The following IL17B variants were observed in gnomAD, a reference collection of about 807,000 sequenced individuals.
The protein encoded by IL17B is interleukin-17B.
IL17B carries 14 observed loss-of-function variants against 14.7 expected under a neutral mutation model. That is an observed-to-expected ratio of 0.95 (90% CI 0.63 to 1.49). IL17B has a LOEUF of 1.49. Among genes scored for constraint, IL17B ranks in the 40% most tolerant of loss-of-function variants. IL17B has a pLI of 0.00. For synonymous variants in IL17B, 105 were observed against 94.8 expected, an observed-to-expected ratio of 1.11 and a Z score of -0.62; for missense variants, 233 against 252.8, an observed-to-expected ratio of 0.92 and a Z score of 0.53.
chr5:149,381,298 C>A (rs1758689862), upstream of IL17B, among the ~76,000 whole-genome samples: 1 of 152,248 alleles, frequency 6.6e-6, no homozygotes, highest in Non-Finnish European at 1.5e-5. Flanking sequence ...AGGGTCCCAG[C>A]CCCAGAGATG....
At chr5:149,392,579 G>A (rs1758992328) in intron 1 of IL17B, among the ~76,000 whole-genome samples, 1 of 152,186 alleles carries the variant, frequency 6.6e-6, no homozygotes, top group Admixed American at 6.5e-5. Context: ...CTCTCTGGAA[G>A]TCTATATAAA....
intron 1 of IL17B, among the ~76,000 whole-genome samples, chr5:149,403,534 A>G (rs2127624077): frequency 6.6e-6 from 1 of 152,338 alleles, no homozygotes; most frequent in South Asian, 2.1e-4. Flanking sequence ...TGTTCATTGA[A>G]GAGAACATAT....
rs377283944 is a variant in IL17B, at chr5:149,401,438, C to T, written n.95+2670G>A. On this transcript the variant is annotated intron_variant and non_coding_transcript_variant, in intron 1 of 2. Transcript: ENST00000505432. ...GTGATAATTGGACTGGGCATGGTGG[C>T]TTATGCCTGTAATCCCAGCACTTTG... Among the ~76,000 whole-genome samples, 262 of 152,324 alleles carry T rather than the reference C, an allele frequency of 1.7e-3. 1 individual carries two copies. Among genetic ancestry groups the T allele is most frequent in the African/African-American group, 6.2e-3 (257 of 41,568 alleles).
Position 149,374,337 on chromosome 5 carries a change from G to A in IL17B, c.*32C>T, listed in dbSNP as rs781128792. On this transcript the variant is annotated 3_prime_UTR_variant, in exon 3 of 3. Transcript: ENST00000261796. This position sits in a 1 kb window ranked among gnomAD's most constrained non-coding sequence, Gnocchi z 5.0. ...ACAAAGGTGCAAGGAGGATGGTCTC[G>A]GGCTGCTGGCCTGGCTTCTGGGCCA... 29 of 1,528,556 alleles carry A rather than the reference G, an allele frequency of 1.9e-5. No individual in the cohort carries two copies. The highest frequency in any genetic ancestry group is 1.7e-4 in the Middle Eastern group (1 of 5,760). 94.7% of individuals were successfully genotyped at this position (1,528,556 alleles called of 1,614,324 possible). A position where few individuals can be genotyped will look rare whatever the true frequency, so the allele number is the denominator to read the frequency against.
chr5:149,394,213 A>T (rs1183036647), intron 1 of IL17B, among the ~76,000 whole-genome samples: 1 of 152,204 alleles, frequency 6.6e-6, no homozygotes, highest in Non-Finnish European at 1.5e-5. Flanking sequence ...TTCATGAAGA[A>T]ATAGGTCAAA....
At chr5:149,385,178 A>T (rs1295454538) in intron 1 of IL17B, among the ~76,000 whole-genome samples, 1 of 151,876 alleles carries the variant, frequency 6.6e-6, no homozygotes, top group African/African-American at 2.4e-5. Flanking sequence ...CAACATGGAG[A>T]AACTCCGTCT....
chr5:149,386,041 G>A (rs896302835), intron 1 of IL17B, among the ~76,000 whole-genome samples: 4 of 152,172 alleles, frequency 2.6e-5, no homozygotes, highest in African/African-American at 7.2e-5. Context: ...CCTGCACCCC[G>A]AACATTAAGC....
At chr5:149,379,170 AAG>A (rs767941131) in intron 1 of IL17B, 33 bp downstream of exon 1, 3 of 1,613,816 alleles carry the variant, frequency 1.9e-6, no homozygotes, top group Non-Finnish European at 8.5e-7. Context: ...GGCTCTTAAA[AAG>A]GGGTGGGGGT....
chr5:149,382,726 A>C (rs1164136341), upstream of IL17B, among the ~76,000 whole-genome samples: 1 of 152,202 alleles, frequency 6.6e-6, no homozygotes, highest in Admixed American at 6.5e-5. Context: ...GTCATTGAGC[A>C]CGGTCTGTGA....
At chr5:149,399,756 G>A (rs1561719243) in intron 1 of IL17B, among the ~76,000 whole-genome samples, 1 of 152,204 alleles carries the variant, frequency 6.6e-6, no homozygotes, top group East Asian at 1.9e-4. Flanking sequence ...TCTGAGGACA[G>A]TGTTGTTTCT....
rs531973669 is a variant in IL17B, at chr5:149,398,254, T to G, written n.95+5854A>C. Among the ~76,000 whole-genome samples the G allele has an allele frequency of 2.6e-5, 4 of 152,334 alleles. No individual in the cohort carries two copies. The South Asian group carries it at 8.3e-4, about 32-fold the overall frequency. On this transcript the variant is annotated intron_variant and non_coding_transcript_variant, in intron 1 of 2. Transcript: ENST00000505432. The stretch of plus-strand genomic sequence containing the variant: ...TGATTGTGATTTTAGGGACTTTAGA[T>G]ATTAGAGATTTAGACTTCAGGGATT...
chr5:149,390,736 A>T (rs1213229934), intron 1 of IL17B, among the ~76,000 whole-genome samples: 1 of 151,958 alleles, frequency 6.6e-6, no homozygotes, highest in African/African-American at 2.4e-5. Flanking sequence ...GCTTAGGAAG[A>T]CTATCAGGTC....
At chr5:149,395,990 C>G in intron 1 of IL17B, among the ~76,000 whole-genome samples, 1 of 152,240 alleles carries the variant, frequency 6.6e-6, no homozygotes, top group Non-Finnish European at 1.5e-5. Flanking sequence ...GGGTGGCCCA[C>G]CACACCTGGC....
At chr5:149,376,229 C>T (rs938439884) in intron 2 of IL17B, among the ~76,000 whole-genome samples, 21 of 152,216 alleles carry the variant, frequency 1.4e-4, no homozygotes, top group Admixed American at 1.3e-4. Flanking sequence ...GCCTGCTGTG[C>T]GCCCTGATCA....
At chr5:149,379,336 G>T, upstream of IL17B, 1 of 1,305,808 alleles carries the variant, frequency 7.7e-7, no homozygotes, top group Non-Finnish European at 1.1e-6. Flanking sequence ...TCAACTGGGG[G>T]CTGCTGGGGG....
chr5:149,402,828 C>A (rs1230636824), intron 1 of IL17B, among the ~76,000 whole-genome samples: 1 of 151,214 alleles, frequency 6.6e-6, no homozygotes, highest in Non-Finnish European at 1.5e-5. Flanking sequence ...ACGGTGAAAC[C>A]CCATCTCTAT....
rs112875427 is a variant in IL17B at position 149,386,612 on chromosome 5, T to C, written n.96-9587A>G. Among the ~76,000 whole-genome samples, 545 of 152,350 alleles carry C rather than the reference T, an allele frequency of 3.6e-3. 1 individual carries two copies. The highest frequency in any genetic ancestry group is 6.1e-3 in the Admixed American group (93 of 15,306). On this transcript the variant is annotated intron_variant and non_coding_transcript_variant, in intron 1 of 2. Transcript: ENST00000505432. ...CTGTGACCTTCAAGGAATTAGCCTA[T>C]GGACGATGAAGGACCTTTGAGAGTT...
At chr5:149,375,695 T>C (rs756054426) in intron 2 of IL17B, among the ~76,000 whole-genome samples, 17 of 152,036 alleles carry the variant, frequency 1.1e-4, no homozygotes, top group Non-Finnish European at 1.6e-4. Flanking sequence ...GAGACCAGCC[T>C]GGGCAACATA....
intron 1 of IL17B, among the ~76,000 whole-genome samples, chr5:149,400,383 T>C (rs997124814): frequency 2.0e-5 from 3 of 152,216 alleles, no homozygotes; most frequent in Admixed American, 2.0e-4. Flanking sequence ...GAGCCAGTTC[T>C]GCTGACACTT....
Sources: gnomAD v4.1 joint callset for allele counts (sites outside exome capture counted in the v4.1 genomes callset) on GRCh38, gnomAD v4.1.1 for gene constraint, Gnocchi (gnomAD v3.1) non-coding constraint, MANE v1.5 for transcripts, NCBI Gene and HGNC (gene_info 2026-07-23, HGNC 2026-07-21) for gene names.